EPHB1: variants seen among roughly 807,000 people sequenced by gnomAD.
EPHB1 encodes EPH receptor B1, also known as ephrin type-B receptor 1.
In EPHB1, 30 loss-of-function variants were observed where a neutral mutation model predicts 94.4. The observed-to-expected ratio is 0.32, with a 90% CI of 0.24 to 0.43. The LOEUF (loss-of-function observed/expected upper bound fraction) is 0.43. Ranked by LOEUF, EPHB1 falls within the 20% of genes least tolerant of loss-of-function variation. The pLI, the probability that EPHB1 is intolerant of heterozygous loss-of-function variation, is 1.00. For missense variants in EPHB1, 1,055 were observed against 1,308.3 expected, an observed-to-expected ratio of 0.81 and a Z score of 2.99; for synonymous variants, 522 against 489.1, an observed-to-expected ratio of 1.07 and a Z score of -0.89.
intron 2 of EPHB1, among the ~76,000 whole-genome samples, chr3:134,933,990 C>T (rs1193057253): frequency 1.3e-5 from 2 of 152,140 alleles, no homozygotes; most frequent in African/African-American, 4.8e-5. Context: ...TCCCTGTTCC[C>T]TCCCTCATAC....
At chr3:135,243,588 T>C (rs1038149272) in intron 13 of EPHB1, among the ~76,000 whole-genome samples, 2 of 152,210 alleles carry the variant, frequency 1.3e-5, no homozygotes, top group African/African-American at 4.8e-5. Flanking sequence ...TTCAGAAAGC[T>C]TCTTACAACC....
chr3:135,113,553 G>T (rs998170888), intron 4 of EPHB1, among the ~76,000 whole-genome samples: 15 of 152,152 alleles, frequency 9.9e-5, no homozygotes, highest in African/African-American at 3.6e-4. Flanking sequence ...CACTTTTATT[G>T]TTCTGAGCAT....
chr3:134,839,514 G>A (rs1481429237), intron 1 of EPHB1, among the ~76,000 whole-genome samples: 1 of 152,156 alleles, frequency 6.6e-6, no homozygotes, highest in East Asian at 1.9e-4. Context: ...AGGCAGAGGG[G>A]TAGGCATGTC....
intron 3 of EPHB1, among the ~76,000 whole-genome samples, chr3:135,054,417 A>G (rs1466437215): frequency 6.6e-6 from 1 of 152,142 alleles, no homozygotes; most frequent in Non-Finnish European, 1.5e-5. Context: ...CAGGAGATAT[A>G]TATATCAAAG....
At chr3:134,953,152 C>T (rs542582455) in intron 3 of EPHB1, among the ~76,000 whole-genome samples, 2 of 152,296 alleles carry the variant, frequency 1.3e-5, no homozygotes, top group South Asian at 2.1e-4. Context: ...CTGATGTCAC[C>T]CCCACCCTGC....
chr3:134,950,251 G>T (rs1279241877), intron 2 of EPHB1, among the ~76,000 whole-genome samples: 2 of 152,166 alleles, frequency 1.3e-5, no homozygotes, highest in Admixed American at 1.3e-4. Flanking sequence ...AATCATGATT[G>T]TCTTTCCCTT....
chr3:134,882,755 T>C (rs1226686594), intron 1 of EPHB1, among the ~76,000 whole-genome samples: 592 of 37,956 alleles, frequency 0.016, 11 homozygotes, highest in South Asian at 0.048. Flanking sequence ...TCTTCCTTTC[T>C]TCCTTCCTTC....
intron 3 of EPHB1, among the ~76,000 whole-genome samples, chr3:135,090,615 C>T (rs1010508845): frequency 5.3e-5 from 8 of 152,196 alleles, no homozygotes; most frequent in African/African-American, 1.9e-4. Context: ...GCCAGTTAGA[C>T]CTGACTGATT....
intron 2 of EPHB1, among the ~76,000 whole-genome samples, chr3:134,949,804 G>A (rs895783884): frequency 6.6e-6 from 1 of 152,014 alleles, no homozygotes; most frequent in African/African-American, 2.4e-5. Flanking sequence ...TTGAGACCAG[G>A]ATCTGGAGAG....
At chr3:134,906,587 A>T (rs1316562252) in intron 1 of EPHB1, among the ~76,000 whole-genome samples, 5 of 152,222 alleles carry the variant, frequency 3.3e-5, no homozygotes, top group African/African-American at 7.2e-5. Flanking sequence ...ATTATATATC[A>T]TGGGCCAAAT....
intron 12 of EPHB1, among the ~76,000 whole-genome samples, chr3:135,217,898 C>T (rs74423850): frequency 6.6e-6 from 1 of 152,270 alleles, no homozygotes; most frequent in East Asian, 1.9e-4. Context: ...TTGGCTAAGG[C>T]TATGACCTTC....
chr3:135,018,328 G>C (rs780919169), intron 3 of EPHB1, among the ~76,000 whole-genome samples: 2 of 152,038 alleles, frequency 1.3e-5, no homozygotes, highest in Admixed American at 1.3e-4. Flanking sequence ...CTGACTTCCT[G>C]GGGGCTTCCT....
intron 3 of EPHB1, among the ~76,000 whole-genome samples, chr3:134,990,555 T>C (rs1258002492): frequency 1.3e-5 from 2 of 152,206 alleles, no homozygotes; most frequent in African/African-American, 4.8e-5. Flanking sequence ...TTTAGCCATT[T>C]CTTTTTTATT....
At chr3:134,898,526 A>G (rs1300108459) in intron 1 of EPHB1, among the ~76,000 whole-genome samples, 3 of 151,732 alleles carry the variant, frequency 2.0e-5, no homozygotes, top group African/African-American at 4.8e-5. Context: ...CATGCTCCCA[A>G]CTCCCTGGAG....
intron 1 of EPHB1, among the ~76,000 whole-genome samples, chr3:134,918,353 T>C (rs1360890899): frequency 1.3e-5 from 2 of 152,122 alleles, no homozygotes; most frequent in Non-Finnish European, 2.9e-5. Context: ...TGGGTTTAGA[T>C]CAGAAAGCTC....
At chr3:135,227,060 T>G (rs2107722544) in intron 12 of EPHB1, among the ~76,000 whole-genome samples, 2 of 152,316 alleles carry the variant, frequency 1.3e-5, no homozygotes, top group South Asian at 4.1e-4. Context: ...AATCCACTAT[T>G]CAGTACCATG....
At chr3:135,136,253 A>T (rs1038846110) in intron 5 of EPHB1, among the ~76,000 whole-genome samples, 1 of 152,168 alleles carries the variant, frequency 6.6e-6, no homozygotes, top group Non-Finnish European at 1.5e-5. Flanking sequence ...GGCACATGGT[A>T]GATACAGTTT....
intron 3 of EPHB1, among the ~76,000 whole-genome samples, chr3:135,058,251 G>T (rs1221520822): frequency 6.6e-6 from 1 of 152,216 alleles, no homozygotes; most frequent in Non-Finnish European, 1.5e-5. Flanking sequence ...GTTGATGAAT[G>T]TGGCAGAGGG....
intron 1 of EPHB1, among the ~76,000 whole-genome samples, chr3:134,849,721 G>T (rs778343548): frequency 6.6e-6 from 1 of 152,224 alleles, no homozygotes; most frequent in Non-Finnish European, 1.5e-5. Context: ...ATTTGTGCCA[G>T]CTAGACAGTG....
Sources: gnomAD v4.1 joint callset for allele counts (sites outside exome capture counted in the v4.1 genomes callset) on GRCh38, gnomAD v4.1.1 for gene constraint, MANE v1.5 for transcripts, NCBI Gene and HGNC (gene_info 2026-07-23, HGNC 2026-07-21) for gene names.